Variants in CADPS2 observed in about 807,000 individuals in gnomAD.
CADPS2 encodes calcium-dependent secretion activator 2.
Under a neutral mutation model 172.5 loss-of-function variants are expected in CADPS2, and 93 were observed. The ratio of observed to expected loss-of-function variants is 0.54; its 90% confidence interval spans 0.46 to 0.64. The LOEUF (loss-of-function observed/expected upper bound fraction) is 0.64. CADPS2 is among the 30% of genes least tolerant of loss of function. The probability of loss-of-function intolerance (pLI) is 0.00; values close to 1 mark genes in which losing one functional copy is unlikely to be tolerated. For synonymous variants in CADPS2, 546 were observed against 555.2 expected, an observed-to-expected ratio of 0.98 and a Z score of 0.23; for missense variants, 1,420 against 1,565.9, an observed-to-expected ratio of 0.91 and a Z score of 1.57.
chr7:122,699,174 T>C (rs933475583), intron 2 of CADPS2: 6 of 386,492 alleles, frequency 1.6e-5, no homozygotes, highest in African/African-American at 6.2e-5. Context: ...TGTGATGTGA[T>C]TATGACATGC....
chr7:122,345,700 AG>A lies in CADPS2; in HGVS notation c.3505-20del, dbSNP rs1563113106. On this transcript the variant is annotated intron_variant, in intron 27 of 29. Transcript: ENST00000449022. ...CTGGTTTCTGTTGTGAAGGAAAAGC[AG>A]GGGGAACAAAATAATATCAGGTCTC... 6.9e-7 allele frequency: 1 copy of A among 1,450,656 alleles called. No homozygotes were observed. Among genetic ancestry groups the A allele is most frequent in the African/African-American group, 1.4e-5 (1 of 71,224 alleles). The allele number at this position is 1,450,656 out of a possible 1,614,324, so 89.9% of individuals were successfully genotyped here.
chr7:122,421,320 C>T (rs951107048), intron 17 of CADPS2, among the ~76,000 whole-genome samples: 6 of 152,080 alleles, frequency 3.9e-5, no homozygotes, highest in Non-Finnish European at 7.4e-5. Context: ...TCACCATGAT[C>T]TTAAATTTAA....
In CADPS2 at chr7:122,856,047, C is replaced by G. The variant is rs571864444; in HGVS notation, c.339+29952G>C. ...GGAGCCCATGGCCCCTTCCCCCTTC[C>G]TTCTGCCTGGAACATAGATACCTTT... is the stretch of plus-strand genomic sequence containing the variant. On this transcript the variant is annotated intron_variant, in intron 1 of 29. Coordinates refer to ENST00000449022, the MANE Select transcript of CADPS2 (RefSeq NM_017954.11). Among the ~76,000 whole-genome samples the G allele has an allele frequency of 3.9e-5, 6 of 152,304 alleles. No individual in the cohort carries two copies. The South Asian group carries it at 1.2e-3, about 32-fold the overall frequency.
intron 20 of CADPS2, among the ~76,000 whole-genome samples, chr7:122,396,300 T>C (rs1201851081): frequency 2.0e-5 from 3 of 152,172 alleles, no homozygotes; most frequent in Non-Finnish European, 2.9e-5. Context: ...ATATCCTTAA[T>C]ATCTTTCAGT....
Position 122,886,355 on chromosome 7 carries a change from G to C in CADPS2, c.-18C>G. The C allele has an allele frequency of 1.3e-6, 2 of 1,489,066 alleles. No homozygotes were observed. Among genetic ancestry groups the C allele is most frequent in the Non-Finnish European group, 1.8e-6 (2 of 1,128,406 alleles). 92.2% of individuals were successfully genotyped at this position (1,489,066 alleles called of 1,614,324 possible). A position where few individuals can be genotyped will look rare whatever the true frequency, so the allele number is the denominator to read the frequency against. On this transcript the variant is annotated 5_prime_UTR_variant, in exon 1 of 30. Coordinates refer to ENST00000449022, the MANE Select transcript of CADPS2 (RefSeq NM_017954.11). Reference sequence around the variant, plus strand: ...TCCAGCATGGTGCTCGGGGATCCCCGCCGCTCGGCCCGCGGTCCCCAAGCG... The same window carrying C: ...TCCAGCATGGTGCTCGGGGATCCCCCCCGCTCGGCCCGCGGTCCCCAAGCG...
In CADPS2 at chr7:122,678,693, G is replaced by A. The variant is rs540487208; in HGVS notation, c.454-15124C>T. 3.9e-5 allele frequency among the ~76,000 whole-genome samples: 6 copies of A among 152,270 alleles called. No individual in the cohort carries two copies. The East Asian group carries it at 5.8e-4, about 15-fold the overall frequency. ...AATGTGAAAGATACCTCAAAAGGCC[G>A]ATCTTAGGTTCTACATAGTGATGTT... On this transcript the variant is annotated intron_variant, in intron 2 of 29. Transcript: ENST00000449022.
At chr7:122,872,350 G>A (rs1819984678) in intron 1 of CADPS2, among the ~76,000 whole-genome samples, 1 of 152,040 alleles carries the variant, frequency 6.6e-6, no homozygotes, top group Non-Finnish European at 1.5e-5. Flanking sequence ...CATTTCAGGT[G>A]TTCCAGTTAA....
intron 6 of CADPS2, among the ~76,000 whole-genome samples, chr7:122,585,008 G>T (rs555210499): frequency 5.9e-5 from 9 of 151,990 alleles, no homozygotes; most frequent in African/African-American, 1.9e-4. Context: ...CTACTTACAA[G>T]GTTTAGGACT....
intron 2 of CADPS2, among the ~76,000 whole-genome samples, chr7:122,707,471 G>C (rs558030263): frequency 6.6e-6 from 1 of 151,996 alleles, no homozygotes; most frequent in East Asian, 1.9e-4. Context: ...AAGCAAAACA[G>C]ATAAATACAA....
intron 9 of CADPS2, among the ~76,000 whole-genome samples, chr7:122,492,594 G>A (rs1376398827): frequency 6.6e-6 from 1 of 152,158 alleles, no homozygotes; most frequent in Non-Finnish European, 1.5e-5. Flanking sequence ...ATAGAGGGAG[G>A]TTCTGTTCCC....
At chr7:122,551,994 A>C (rs946943306) in intron 8 of CADPS2, among the ~76,000 whole-genome samples, 8 of 152,186 alleles carry the variant, frequency 5.3e-5, no homozygotes, top group Non-Finnish European at 7.4e-5. Flanking sequence ...GTTTGCCAAT[A>C]CATGTTTACA....
chr7:122,702,689 A>C, intron 2 of CADPS2: 1 of 1,612,950 alleles, frequency 6.2e-7, no homozygotes, highest in Non-Finnish European at 8.5e-7. Context: ...AAAGATACTA[A>C]GCCTCAAAAG....
intron 24 of CADPS2, among the ~76,000 whole-genome samples, chr7:122,384,112 G>C (rs745540293): frequency 8.5e-5 from 13 of 152,052 alleles, no homozygotes; most frequent in Non-Finnish European, 1.8e-4. Context: ...TGAGACTGCT[G>C]ACTCATTTCA....
intron 14 of CADPS2, among the ~76,000 whole-genome samples, chr7:122,464,609 T>C (rs1043165389): frequency 6.6e-6 from 1 of 152,156 alleles, no homozygotes; most frequent in African/African-American, 2.4e-5. Context: ...TACTCCCTGA[T>C]AGAATGTGAT....
intron 1 of CADPS2, among the ~76,000 whole-genome samples, chr7:122,781,187 T>G (rs898621952): frequency 6.6e-6 from 1 of 152,194 alleles, no homozygotes; most frequent in African/African-American, 2.4e-5. Flanking sequence ...TCATTTCAAT[T>G]TGTTGTCCTT....
chr7:122,761,539 A>T (rs1050928682), intron 1 of CADPS2, among the ~76,000 whole-genome samples: 64 of 152,130 alleles, frequency 4.2e-4, no homozygotes, highest in Non-Finnish European at 7.6e-4. Flanking sequence ...CAAAATCTTT[A>T]AAAAAATTAA....
chr7:122,759,683 T>C (rs2093308992), intron 1 of CADPS2, among the ~76,000 whole-genome samples: 1 of 152,184 alleles, frequency 6.6e-6, no homozygotes, highest in South Asian at 2.1e-4. Context: ...TGAGTAGTAT[T>C]CAGAAATGAG....
At chr7:122,404,674 T>C (rs1320889588) in intron 20 of CADPS2, among the ~76,000 whole-genome samples, 2 of 152,212 alleles carry the variant, frequency 1.3e-5, no homozygotes, top group Non-Finnish European at 2.9e-5. Context: ...GACTTTTTAA[T>C]GATTACTATT....
intron 1 of CADPS2, among the ~76,000 whole-genome samples, chr7:122,753,277 A>C (rs1350149609): frequency 6.6e-6 from 1 of 152,202 alleles, no homozygotes; most frequent in Admixed American, 6.5e-5. Context: ...CACATTATTC[A>C]TTGTTTAAGT....
Sources: gnomAD v4.1 joint callset for allele counts (sites outside exome capture counted in the v4.1 genomes callset) on GRCh38, gnomAD v4.1.1 for gene constraint, MANE v1.5 for transcripts, NCBI Gene and HGNC (gene_info 2026-07-23, HGNC 2026-07-21) for gene names.